The following TM4SF18 variants were observed in gnomAD, a reference collection of about 807,000 sequenced individuals.
TM4SF18 encodes transmembrane 4 L6 family member 18.
In TM4SF18, 22 loss-of-function variants were observed where a neutral mutation model predicts 23.8. That is an observed-to-expected ratio of 0.92 (90% CI 0.66 to 1.32). The LOEUF is 1.32. TM4SF18 is among the 40% of genes most tolerant of loss of function. The pLI, the probability that TM4SF18 is intolerant of heterozygous loss-of-function variation, is 0.00. For synonymous variants in TM4SF18, 87 were observed against 87.9 expected, an observed-to-expected ratio of 0.99 and a Z score of 0.06; for missense variants, 255 against 240.3, an observed-to-expected ratio of 1.06 and a Z score of -0.41.
intron 3 of TM4SF18, among the ~76,000 whole-genome samples, chr3:149,329,444 T>C (rs1446175870): frequency 2.6e-5 from 4 of 152,282 alleles, no homozygotes; most frequent in South Asian, 4.1e-4. Flanking sequence ...GATTGCAATA[T>C]GAAGCTAACA....
intron 3 of TM4SF18, among the ~76,000 whole-genome samples, chr3:149,329,595 T>C (rs1731045801): frequency 6.6e-6 from 1 of 152,116 alleles, no homozygotes; most frequent in Non-Finnish European, 1.5e-5. Flanking sequence ...TGAGTAAATG[T>C]GAAAGAACTA....
intron 3 of TM4SF18, among the ~76,000 whole-genome samples, chr3:149,328,175 A>C (rs1730998095): frequency 6.6e-6 from 1 of 152,204 alleles, no homozygotes; most frequent in Non-Finnish European, 1.5e-5. Flanking sequence ...TGAGTAATTA[A>C]TAACAGAATT....
At chr3:149,331,444 G>A (rs975259076) in intron 2 of TM4SF18, among the ~76,000 whole-genome samples, 3 of 152,038 alleles carry the variant, frequency 2.0e-5, no homozygotes, top group Non-Finnish European at 4.4e-5. Context: ...TTTCCACATC[G>A]TTAGTTATGA....
chr3:149,324,714 G>A, intron 4 of TM4SF18, 166 bp downstream of exon 4: 1 of 808,972 alleles, frequency 1.2e-6, no homozygotes, highest in South Asian at 1.9e-5. Context: ...ACAAAGATCT[G>A]TGCAAGAACA....
At chr3:149,324,839 C>T (rs1730897536) in intron 4 of TM4SF18, 41 bp downstream of exon 4, 14 of 1,611,072 alleles carry the variant, frequency 8.7e-6, no homozygotes, top group Non-Finnish European at 1.1e-5. Context: ...CAAGGTGTTT[C>T]TGATTTTCCG....
rs1731146258 is a variant in TM4SF18, at chr3:149,333,621, A to G, written c.-126T>C. 2 of 385,180 alleles carry G rather than the reference A, an allele frequency of 5.2e-6. No individual in the cohort carries two copies. The highest frequency in any genetic ancestry group is 7.5e-5 in the East Asian group (2 of 26,634). The allele number at this position is 385,180 out of a possible 1,614,324, so 23.9% of individuals were successfully genotyped here. A position where few individuals can be genotyped will look rare whatever the true frequency, so the allele number is the denominator to read the frequency against. On this transcript the variant is annotated 5_prime_UTR_variant, in exon 1 of 6. Coordinates refer to ENST00000296059, the MANE Select transcript of TM4SF18 (RefSeq NM_138786.4). ...GAAATACTGGTTTACTGTTTGGAGAACAATAGACAATGATCAACAACTGAA... is the reference window on the plus strand; with the variant it reads ...GAAATACTGGTTTACTGTTTGGAGAGCAATAGACAATGATCAACAACTGAA...
rs1731126848 is a variant in TM4SF18 at position 149,333,255 on chromosome 3, A to G, written c.128T>C (p.Leu43Pro). 1 of 1,613,668 alleles carries G rather than the reference A, an allele frequency of 6.2e-7. No individual in the cohort carries two copies. Among genetic ancestry groups the G allele is most frequent in the East Asian group, 2.2e-5 (1 of 44,884 alleles). The part of the protein sequence containing the change: ...GQTSYASSNK[L>P]TNYVWYFEGI... ...TTCAAAATACCACACGTAGTTGGTGAGTTTATTGCTGGATGCATAGGAAGT... is the reference window on the plus strand; with the variant it reads ...TTCAAAATACCACACGTAGTTGGTGGGTTTATTGCTGGATGCATAGGAAGT... The change falls in exon 2 of 6, where the codon CTC becomes CCC. Residue 43 changes from leucine to proline, a missense_variant. Physicochemically the swap from Leu to Pro is moderately conservative, Grantham distance 98 (BLOSUM62 -3). Coordinates refer to ENST00000296059, the MANE Select transcript of TM4SF18 (RefSeq NM_138786.4).
At chr3:149,330,976 G>T (rs1462523342) in intron 2 of TM4SF18, among the ~76,000 whole-genome samples, 1 of 152,178 alleles carries the variant, frequency 6.6e-6, no homozygotes, top group Non-Finnish European at 1.5e-5. Context: ...TCTGTATCAA[G>T]CCAACAAAGT....
At chr3:149,332,096 A>C (rs1731098293) in intron 2 of TM4SF18, among the ~76,000 whole-genome samples, 1 of 152,164 alleles carries the variant, frequency 6.6e-6, no homozygotes, top group African/African-American at 2.4e-5. Context: ...GGATCTTGAT[A>C]TATTATACCA....
chr3:149,321,324 T>C lies in TM4SF18; in HGVS notation c.*154A>G, dbSNP rs1027968908. 8 of 483,766 alleles carry C rather than the reference T, an allele frequency of 1.7e-5. No individual in the cohort carries two copies. Among genetic ancestry groups the C allele is most frequent in the African/African-American group, 1.6e-4 (8 of 50,528 alleles). The allele number at this position is 483,766 out of a possible 1,614,324, so 30.0% of individuals were successfully genotyped here. On this transcript the variant is annotated 3_prime_UTR_variant, in exon 6 of 6. Coordinates refer to ENST00000296059, the MANE Select transcript of TM4SF18 (RefSeq NM_138786.4). ...AAACATACTAAATGGAAGGGTGGTA[T>C]ACTTGCATGTGCAGTGAGGACTGCA...
At chr3:149,325,732 A>G (rs967878070) in intron 3 of TM4SF18, among the ~76,000 whole-genome samples, 1 of 152,216 alleles carries the variant, frequency 6.6e-6, no homozygotes, top group Non-Finnish European at 1.5e-5. Flanking sequence ...TTAAAAAGTG[A>G]GTACAGCTTG....
chr3:149,321,334 T>C lies in TM4SF18; in HGVS notation c.*144A>G. ...AATGGAAGGGTGGTATACTTGCATG[T>C]GCAGTGAGGACTGCAAATTTTTTAC... is the stretch of plus-strand genomic sequence containing the variant. On this transcript the variant is annotated 3_prime_UTR_variant, in exon 6 of 6. Coordinates refer to ENST00000296059, the MANE Select transcript of TM4SF18 (RefSeq NM_138786.4). 2 of 527,914 alleles carry C rather than the reference T, an allele frequency of 3.8e-6. No homozygotes were observed. The highest frequency in any genetic ancestry group is 6.8e-6 in the Non-Finnish European group (2 of 293,990). 32.7% of individuals were successfully genotyped at this position (527,914 alleles called of 1,614,324 possible). A position where few individuals can be genotyped will look rare whatever the true frequency, so the allele number is the denominator to read the frequency against.
At position 149,320,421 on chromosome 3, in the gene TM4SF18, A is replaced by C. The variant is rs1730778821; in HGVS notation, c.*1057T>G. On this transcript the variant is annotated 3_prime_UTR_variant, in exon 6 of 6. Coordinates refer to ENST00000296059, the MANE Select transcript of TM4SF18 (RefSeq NM_138786.4). Reference sequence around the variant, plus strand: ...TACTTTTTAATTACTTTAAAAATAAATATAGGTACTGGTAACTCCCCCTGA... The same window carrying C: ...TACTTTTTAATTACTTTAAAAATAACTATAGGTACTGGTAACTCCCCCTGA... The C allele has an allele frequency of 6.6e-6, 1 of 152,212 alleles. No individual in the cohort carries two copies. The highest frequency in any genetic ancestry group is 1.5e-5 in the Non-Finnish European group (1 of 68,042). 9.4% of individuals were successfully genotyped at this position (152,212 alleles called of 1,614,324 possible).
rs1730747669 is a variant in TM4SF18 at position 149,319,174 on chromosome 3, A to G, written c.*2304T>C. 2 of 152,216 alleles carry G rather than the reference A, an allele frequency of 1.3e-5. No homozygotes were observed. The highest frequency in any genetic ancestry group is 2.9e-5 in the Non-Finnish European group (2 of 68,032). 9.4% of individuals were successfully genotyped at this position (152,216 alleles called of 1,614,324 possible). On this transcript the variant is annotated 3_prime_UTR_variant, in exon 6 of 6. Transcript: ENST00000296059. ...GTGCCATGCTGAATCTAAACAAGAG[A>G]TAGACAGTCTGAAAGTATATAACAA...
At chr3:149,325,848 T>C (rs978812686) in intron 3 of TM4SF18, among the ~76,000 whole-genome samples, 2 of 152,272 alleles carry the variant, frequency 1.3e-5, no homozygotes, top group African/African-American at 4.8e-5. Context: ...ATGTCAAATC[T>C]ACAAAAAAGT....
Position 149,324,662 on chromosome 3 carries a change from T to A in TM4SF18, c.410+218A>T, listed in dbSNP as rs116697511. 4,725 of 557,206 alleles carry A rather than the reference T, an allele frequency of 8.5e-3. 40 individuals carry two copies. Among genetic ancestry groups the A allele is most frequent in the Non-Finnish European group, 0.012 (3,639 of 312,920 alleles). 34.5% of individuals were successfully genotyped at this position (557,206 alleles called of 1,614,324 possible). ...ATAGCTCCATGACAACCTCAAGACA[T>A]TGAATGAAAATGGCATTAAAAGACT... On this transcript the variant is annotated intron_variant, in intron 4 of 5. Coordinates refer to ENST00000296059, the MANE Select transcript of TM4SF18 (RefSeq NM_138786.4).
At chr3:149,332,677 C>T (rs558293350) in intron 2 of TM4SF18, among the ~76,000 whole-genome samples, 5 of 152,204 alleles carry the variant, frequency 3.3e-5, no homozygotes, top group Non-Finnish European at 7.4e-5. Flanking sequence ...AAAGTAAATG[C>T]CATTATTCAC....
At position 149,333,344 on chromosome 3, in the gene TM4SF18, CAA is replaced by C. The variant is rs1438524027; in HGVS notation, c.37_38del (p.Leu13AlafsTer29). 1 of 1,613,468 alleles carries C rather than the reference CAA, an allele frequency of 6.2e-7. No homozygotes were observed. Among genetic ancestry groups the C allele is most frequent in the East Asian group, 2.2e-5 (1 of 44,866 alleles). ...TACTCCAAAGTGCAAGCGGAATCAG[CAA>C]ACAACTTAGGCAGCCTCCACACTTC... ...SRKCGGCLSCLLIPLALWSII... is the reference protein window; with the variant it reads ...SRKCGGCLSCXLIPLALWSII... On this transcript the variant is annotated frameshift_variant, in exon 2 of 6. Transcript: ENST00000296059. LOFTEE classifies it high-confidence loss of function.
rs1481929336 is a variant in TM4SF18, at chr3:149,319,361, T to G, written c.*2117A>C. ...GTCACTCTGAGTACAACATGGTGTC[T>G]GTAGCTTGGGTTTGCCTCTTGGTCC... On this transcript the variant is annotated 3_prime_UTR_variant, in exon 6 of 6. Coordinates refer to ENST00000296059, the MANE Select transcript of TM4SF18 (RefSeq NM_138786.4). The G allele has an allele frequency of 1.3e-5, 2 of 152,210 alleles. No homozygotes were observed. The highest frequency in any genetic ancestry group is 3.8e-4 in the East Asian group (2 of 5,200). The allele number at this position is 152,210 out of a possible 1,614,324, so 9.4% of individuals were successfully genotyped here.
Sources: allele counts gnomAD v4.1 joint callset (sites outside exome capture counted in the v4.1 genomes callset), GRCh38; gene constraint gnomAD v4.1.1; transcripts MANE v1.5; gene names NCBI Gene and HGNC (gene_info 2026-07-23, HGNC 2026-07-21).